The following LMF1 variants were observed in gnomAD, a reference collection of about 807,000 sequenced individuals.
LMF1 encodes the protein transmembrane protein 112.
Under a neutral mutation model 60.6 loss-of-function variants are expected in LMF1, and 68 were observed. The ratio of observed to expected loss-of-function variants is 1.12; its 90% CI spans 0.92 to 1.37. The LOEUF is 1.37. LMF1 is among the 40% of genes most tolerant of loss of function. The pLI is 0.00. For synonymous variants in LMF1, 418 were observed against 324.7 expected (o/e 1.29, Z -3.09); for missense variants, 948 against 767.2 (o/e 1.24, Z -2.78).
Position 870,936 on chromosome 16 carries a change from TC to T in LMF1, c.1079-55del, listed in dbSNP as rs2069769584. 9.3e-5 allele frequency: 143 copies of T among 1,538,326 alleles called. No homozygotes were observed. In the South Asian group the frequency reaches 1.6e-3, roughly 18 times the overall value. On this transcript the variant is annotated intron_variant, in intron 7 of 10. Coordinates refer to ENST00000262301, the MANE Select transcript of LMF1 (RefSeq NM_022773.4). The stretch of plus-strand genomic sequence containing the variant: ...GGGCTCCCAGCTGCCCCGTGGCCTG[TC>T]CCTGGGGAGACCCCAGCTGCTGCTC...
chr16:885,998 G>C (rs2070295378), intron 5 of LMF1, among the ~76,000 whole-genome samples: 1 of 152,208 alleles, frequency 6.6e-6, no homozygotes, highest in Admixed American at 6.5e-5. Context: ...GGCATATCAA[G>C]TATATTCTGA....
upstream of LMF1, among the ~76,000 whole-genome samples, chr16:975,363 A>C (rs2073115198): frequency 6.6e-6 from 1 of 152,160 alleles, no homozygotes; most frequent in African/African-American, 2.4e-5. Context: ...GCACTGGAAG[A>C]AGCCTTGAGA....
chr16:930,191 C>G (rs1403834930), intron 3 of LMF1, among the ~76,000 whole-genome samples: 2 of 141,150 alleles, frequency 1.4e-5, no homozygotes, highest in Admixed American at 1.4e-4. Context: ...CAGCAGCGGT[C>G]GTGTTCGTCT....
At chr16:924,198 G>A (rs954571563) in intron 3 of LMF1, among the ~76,000 whole-genome samples, 2 of 152,188 alleles carry the variant, frequency 1.3e-5, no homozygotes, top group Non-Finnish European at 2.9e-5. Flanking sequence ...TCGTTCATAA[G>A]AGGACATGTA....
At chr16:901,431 C>G (rs774083676) in intron 4 of LMF1, 1 of 152,264 alleles carries the variant, frequency 6.6e-6, no homozygotes, top group Non-Finnish European at 1.5e-5. Context: ...GACCCACCCC[C>G]GCCCTGAGAT....
intron 3 of LMF1, among the ~76,000 whole-genome samples, chr16:917,860 T>C (rs1487514971): frequency 1.3e-5 from 2 of 152,208 alleles, no homozygotes; most frequent in Non-Finnish European, 1.5e-5. Flanking sequence ...CCCTGGCCTG[T>C]GGTCACCCAG....
intron 3 of LMF1, among the ~76,000 whole-genome samples, chr16:911,736 T>A (rs2071128463): frequency 7.0e-6 from 1 of 143,860 alleles, no homozygotes; most frequent in Non-Finnish European, 1.5e-5. Context: ...CAGCCCAGCC[T>A]CCATGTGAGG....
chr16:862,529 G>A (rs1567141796), intron 10 of LMF1, among the ~76,000 whole-genome samples: 1 of 151,986 alleles, frequency 6.6e-6, no homozygotes, highest in Non-Finnish European at 1.5e-5. Context: ...TATTATCTTT[G>A]TGTGGTTTTG....
chr16:949,571 G>C lies in LMF1; in HGVS notation c.503+4786C>G, dbSNP rs1265483242. ...CGACAGAGTCAGAGACAATGACAGA[G>C]TCAGAGACAACGACAGAGTCAGAGA... On this transcript the variant is annotated intron_variant, in intron 2 of 10. Coordinates refer to ENST00000262301, the MANE Select transcript of LMF1 (RefSeq NM_022773.4). 2.4e-4 allele frequency among the ~76,000 whole-genome samples: 34 copies of C among 141,238 alleles called. 2 individuals are homozygous for C. Among genetic ancestry groups the C allele is most frequent in the African/African-American group, 8.8e-4 (31 of 35,200 alleles). The allele number at this position is 141,238 out of a possible 152,430, so 92.7% of individuals were successfully genotyped here.
intron 2 of LMF1, among the ~76,000 whole-genome samples, chr16:936,019 C>A (rs2071931669): frequency 6.6e-6 from 1 of 152,246 alleles, no homozygotes; most frequent in Admixed American, 6.5e-5. Flanking sequence ...GAGGTCCACA[C>A]TATTTATAGG....
intron 10 of LMF1, among the ~76,000 whole-genome samples, chr16:858,783 G>C (rs1422213737): frequency 1.0e-5 from 1 of 97,118 alleles, no homozygotes; most frequent in Admixed American, 9.6e-5. Flanking sequence ...GTGCAGTGGT[G>C]TCACGGGACG....
chr16:890,936 C>T (rs982096008), intron 5 of LMF1, among the ~76,000 whole-genome samples: 1 of 152,210 alleles, frequency 6.6e-6, no homozygotes, highest in Non-Finnish European at 1.5e-5. Flanking sequence ...TGCCTGTGTG[C>T]TCCAGGCCGG....
chr16:889,285 G>A (rs192829915), intron 5 of LMF1, among the ~76,000 whole-genome samples: 151 of 152,240 alleles, frequency 9.9e-4, no homozygotes, highest in Middle Eastern at 3.4e-3. Context: ...TGGCTTAACC[G>A]ACTGAATTTG....
intron 4 of LMF1, among the ~76,000 whole-genome samples, chr16:905,946 A>T (rs2070963182): frequency 6.6e-6 from 1 of 152,268 alleles, no homozygotes; most frequent in South Asian, 2.1e-4. Flanking sequence ...TGTGTGTCCT[A>T]AGAGACTTTT....
chr16:977,238 C>T (rs982005391), intron 1 of LMF1: 2 of 390,334 alleles, frequency 5.1e-6, no homozygotes, highest in South Asian at 1.9e-5. Flanking sequence ...AACTCGTGCC[C>T]CAGCTGGCAC....
chr16:899,307 A>G (rs1368728135), intron 4 of LMF1: 3 of 152,206 alleles, frequency 2.0e-5, no homozygotes, highest in African/African-American at 7.2e-5. Context: ...TGCCATAGAT[A>G]TCATTTTCTA....
At chr16:907,856 GATA>G (rs1382986571) in intron 4 of LMF1, among the ~76,000 whole-genome samples, 1 of 152,186 alleles carries the variant, frequency 6.6e-6, no homozygotes, top group Non-Finnish European at 1.5e-5. Flanking sequence ...TAGTGCACCT[GATA>G]ATTTCTTCTC....
intron 5 of LMF1, among the ~76,000 whole-genome samples, chr16:888,676 G>A (rs932708739): frequency 7.9e-5 from 12 of 152,220 alleles, no homozygotes; most frequent in Middle Eastern, 3.2e-3. Flanking sequence ...ATTCTGGACG[G>A]CGCCCGTCCC....
Position 853,893 on chromosome 16 carries a change from G to A in LMF1, c.*639C>T, listed in dbSNP as rs970982414. 2.2e-5 allele frequency: 10 copies of A among 453,996 alleles called. No homozygotes were observed. Among genetic ancestry groups the A allele is most frequent in the Non-Finnish European group, 3.5e-5 (8 of 226,798 alleles). The allele number at this position is 453,996 out of a possible 1,614,324, so 28.1% of individuals were successfully genotyped here. A position where few individuals can be genotyped will look rare whatever the true frequency, so the allele number is the denominator to read the frequency against. On this transcript the variant is annotated 3_prime_UTR_variant, in exon 11 of 11. Coordinates refer to ENST00000262301, the MANE Select transcript of LMF1 (RefSeq NM_022773.4). ...ACACCAGTCATGGGGGGATGAAACC[G>A]GGCCAAGAACACATGTGTGCACAGG...
Sources: gnomAD v4.1 joint callset for allele counts (sites outside exome capture counted in the v4.1 genomes callset) on GRCh38, gnomAD v4.1.1 for gene constraint, MANE v1.5 for transcripts, NCBI Gene and HGNC (gene_info 2026-07-23, HGNC 2026-07-21) for gene names.